ETF1: variants seen among roughly 807,000 people sequenced by gnomAD.
ETF1 encodes eukaryotic peptide chain release factor subunit 1.
ETF1 carries 4 observed loss-of-function variants against 55.1 expected under a neutral mutation model. That is an observed-to-expected ratio of 0.07 (90% CI 0.04 to 0.17). The LOEUF is 0.17. Ranked by LOEUF, ETF1 falls within the 10% of genes least tolerant of loss-of-function variation. The probability of loss-of-function intolerance (pLI) is 1.00; values close to 1 mark genes in which losing one functional copy is unlikely to be tolerated. For missense variants in ETF1, 142 were observed against 523.6 expected, an observed-to-expected ratio of 0.27 and a Z score of 7.11; for synonymous variants, 157 against 182.3, an observed-to-expected ratio of 0.86 and a Z score of 1.12.
At chr5:138,536,688 C>T (rs1765949092) in intron 2 of ETF1, among the ~76,000 whole-genome samples, 1 of 152,182 alleles carries the variant, frequency 6.6e-6, no homozygotes, top group Non-Finnish European at 1.5e-5. Flanking sequence ...ACAGATCCAG[C>T]AGTGGGAAGG....
Position 138,542,898 on chromosome 5 carries a change from A to G in ETF1, c.21T>C (p.Ala7=), listed in dbSNP as rs917955714. Residue 7 remains alanine, a synonymous_variant, in exon 2 of 11, where the codon GCT becomes GCC. Transcript: ENST00000360541. MADDPS[A]ADRNVEIWKI... ...TCCAGATCTCCACGTTCCTGTCGGC[A>G]GCACTGGGGTCGTCCGCCATCTTCT... The G allele has an allele frequency of 6.2e-7, 1 of 1,613,578 alleles. No homozygotes were observed. The highest frequency in any genetic ancestry group is 8.5e-7 in the Non-Finnish European group (1 of 1,179,900).
chr5:138,522,006 A>AT (rs2127091268), intron 2 of ETF1, among the ~76,000 whole-genome samples: 2 of 152,280 alleles, frequency 1.3e-5, no homozygotes, highest in South Asian at 4.1e-4. Flanking sequence ...CACAACATGG[A>AT]TAAACGACTA....
At chr5:138,512,058 G>C (rs1440921949) in intron 6 of ETF1, 1 of 174,148 alleles carries the variant, frequency 5.7e-6, no homozygotes, top group East Asian at 1.9e-4. Flanking sequence ...AAATTAGTTG[G>C]GCATGGTGAC....
intron 9 of ETF1, chr5:138,509,057 C>G (rs915755135): frequency 2.1e-5 from 21 of 985,202 alleles, no homozygotes; most frequent in Non-Finnish European, 2.3e-5. Flanking sequence ...AATACCAACA[C>G]AAAAACTCAG....
At chr5:138,510,460 T>A in intron 9 of ETF1, 105 bp downstream of exon 9, 1 of 661,384 alleles carries the variant, frequency 1.5e-6, no homozygotes, top group Non-Finnish European at 2.7e-6. Flanking sequence ...CACCCCCAAT[T>A]AGTATAAGGT....
chr5:138,510,185 G>A (rs922946545), intron 9 of ETF1, among the ~76,000 whole-genome samples: 1 of 150,714 alleles, frequency 6.6e-6, no homozygotes, highest in Non-Finnish European at 1.5e-5. Context: ...TGGTGAAAAC[G>A]CCTCTCTACA....
At chr5:138,530,744 T>C (rs1358347800) in intron 2 of ETF1, among the ~76,000 whole-genome samples, 1 of 152,158 alleles carries the variant, frequency 6.6e-6, no homozygotes, top group African/African-American at 2.4e-5. Context: ...TGGCTATTTT[T>C]AGTAGAGGCA....
chr5:138,542,851 C>T lies in ETF1; in HGVS notation c.68G>A (p.Ser23Asn). The change falls in exon 2 of 11, where the codon AGC (serine) becomes AAC (asparagine). Residue 23 changes from serine (S) to asparagine (N), a missense_variant. Ser to Asn is a conservative substitution (Grantham distance 46). Around this residue, in one of 5 missense-constraint regions of ETF1, gnomAD observed 11 missense variants for 92.7 expected, o/e 0.12. Transcript: ENST00000360541. Reference protein sequence around the residue: ...EIWKIKKLIKSLEAARGNGTS... With the variant: ...EIWKIKKLIKNLEAARGNGTS... ...CGCTCACCCGCGGGCCGCCTCCAAG[C>T]TCTTAATGAGCTTCTTGATCTTCCA... The T allele has an allele frequency of 6.2e-7, 1 of 1,613,330 alleles. No individual in the cohort carries two copies. Among genetic ancestry groups the T allele is most frequent in the Non-Finnish European group, 8.5e-7 (1 of 1,179,874 alleles).
Position 138,542,919 on chromosome 5 carries a change from C to T in ETF1, c.-1G>A, listed in dbSNP as rs777672021. 73 of 1,613,536 alleles carry T rather than the reference C, an allele frequency of 4.5e-5. No individual in the cohort carries two copies. Among genetic ancestry groups the T allele is most frequent in the Non-Finnish European group, 6.1e-5 (72 of 1,179,886 alleles). ...CGGCAGCACTGGGGTCGTCCGCCATCTTCTCGCCTCCTCCTCCCTAGAGCG... is the reference window on the plus strand; with the variant it reads ...CGGCAGCACTGGGGTCGTCCGCCATTTTCTCGCCTCCTCCTCCCTAGAGCG... On this transcript the variant is annotated 5_prime_UTR_variant, in exon 2 of 11. Transcript: ENST00000360541.
intron 2 of ETF1, among the ~76,000 whole-genome samples, chr5:138,526,429 C>T (rs951599479): frequency 7.2e-5 from 11 of 152,236 alleles, no homozygotes; most frequent in East Asian, 3.9e-4. Flanking sequence ...ATAGTGTCTT[C>T]GGTATTTGCA....
intron 6 of ETF1, 72 bp downstream of exon 6, chr5:138,512,692 C>T: frequency 7.5e-7 from 1 of 1,327,356 alleles, no homozygotes; most frequent in Non-Finnish European, 1.0e-6. Flanking sequence ...GTGTCTGTTC[C>T]AGTGCTCACA....
chr5:138,509,389 T>C (rs1764674591), intron 9 of ETF1, among the ~76,000 whole-genome samples: 1 of 152,220 alleles, frequency 6.6e-6, no homozygotes, highest in Admixed American at 6.5e-5. Context: ...TACATTTTCC[T>C]CCCTATTAAA....
intron 2 of ETF1, among the ~76,000 whole-genome samples, chr5:138,519,570 C>A (rs965633823): frequency 1.3e-5 from 2 of 150,792 alleles, no homozygotes; most frequent in African/African-American, 4.9e-5. Context: ...GGCTGAGGCA[C>A]GAGAATCACT....
rs184155206 is a variant in ETF1, at chr5:138,520,589, A to G, written c.87-1722T>C. Among the ~76,000 whole-genome samples the G allele has an allele frequency of 2.3e-3, 349 of 152,280 alleles. 2 individuals carry two copies. Among genetic ancestry groups the G allele is most frequent in the African/African-American group, 8.2e-3 (342 of 41,576 alleles). On this transcript the variant is annotated intron_variant, in intron 2 of 10. Coordinates refer to ENST00000360541, the MANE Select transcript of ETF1 (RefSeq NM_004730.4). ...TCCCAGCACTTTGGGAGGCTAAGGT[A>G]GGAGGATCACTTGAGTCCAGGAGTT... is the stretch of plus-strand genomic sequence containing the variant.
At chr5:138,527,347 T>G (rs1765515806) in intron 2 of ETF1, among the ~76,000 whole-genome samples, 1 of 152,194 alleles carries the variant, frequency 6.6e-6, no homozygotes, top group South Asian at 2.1e-4. Flanking sequence ...GACAGTATGG[T>G]GTGTGCTCTG....
intron 2 of ETF1, 28 bp from the exon 3 acceptor site, chr5:138,518,895 G>C (rs779977457): frequency 6.2e-7 from 1 of 1,605,240 alleles, no homozygotes; most frequent in Non-Finnish European, 8.5e-7. Context: ...ACTCATTAGG[G>C]ATTTAAATAT....
At chr5:138,523,995 G>C (rs1321067699) in intron 2 of ETF1, among the ~76,000 whole-genome samples, 1 of 152,086 alleles carries the variant, frequency 6.6e-6, no homozygotes, top group African/African-American at 2.4e-5. Flanking sequence ...TAGCCACTAT[G>C]GTGAAACCTC....
At chr5:138,534,961 GTTTCT>G (rs1264581427) in intron 2 of ETF1, among the ~76,000 whole-genome samples, 3 of 139,682 alleles carry the variant, frequency 2.1e-5, no homozygotes, top group South Asian at 2.3e-4. Flanking sequence ...CAGAAAACTA[GTTTCT>G]TTTTTTTTTT....
At chr5:138,533,867 T>C (rs900515007) in intron 2 of ETF1, among the ~76,000 whole-genome samples, 10 of 152,172 alleles carry the variant, frequency 6.6e-5, no homozygotes, top group Admixed American at 2.0e-4. Flanking sequence ...TGAAGTGTCA[T>C]TTTAATTTTG....
Sources: allele counts gnomAD v4.1 joint callset (sites outside exome capture counted in the v4.1 genomes callset), GRCh38; gene constraint gnomAD v4.1.1; regional missense constraint gnomAD v4.1.1; transcripts MANE v1.5; gene names NCBI Gene and HGNC (gene_info 2026-07-23, HGNC 2026-07-21).